The following NRG1 variants were observed in gnomAD, a reference collection of about 807,000 sequenced individuals.
The protein encoded by NRG1 is pro-neuregulin-1, membrane-bound isoform.
In NRG1, 18 loss-of-function variants were observed where a neutral mutation model predicts 63.8. The observed-to-expected ratio is 0.28, with a 90% CI of 0.19 to 0.42. The LOEUF (loss-of-function observed/expected upper bound fraction) is 0.42, where lower values mean the gene tolerates loss of function less well. Among genes scored for constraint, NRG1 ranks in the 10% least tolerant of loss-of-function variants. The pLI is 1.00. For synonymous variants in NRG1, 302 were observed against 301.3 expected, an observed-to-expected ratio of 1.00 and a Z score of -0.02; for missense variants, 762 against 814.7, an observed-to-expected ratio of 0.94 and a Z score of 0.79.
intron 1 of NRG1, among the ~76,000 whole-genome samples, chr8:32,572,908 A>G (rs1393241827): frequency 6.6e-6 from 1 of 152,208 alleles, no homozygotes; most frequent in East Asian, 1.9e-4. Context: ...ATAATATATT[A>G]ATCTACAAAT....
Position 32,267,920 on chromosome 8 carries a change from C to A in NRG1, c.38-327908C>A, listed in dbSNP as rs574415764. On this transcript the variant is annotated intron_variant, in intron 1 of 10. Transcript: ENST00000519301. The stretch of plus-strand genomic sequence containing the variant: ...AAAATGGTCCCCGTGATCCCTGACT[C>A]CTGAAGTTCACTCCCTTGTATGCTT... 1.6e-3 allele frequency among the ~76,000 whole-genome samples: 247 copies of A among 152,278 alleles called. 1 individual carries two copies. The highest frequency in any genetic ancestry group is 2.6e-3 in the Non-Finnish European group (177 of 68,028).
At chr8:31,876,083 T>C (rs1047109529) in intron 1 of NRG1, among the ~76,000 whole-genome samples, 58 of 152,060 alleles carry the variant, frequency 3.8e-4, no homozygotes, top group African/African-American at 1.4e-3. Flanking sequence ...AAGAAATGAA[T>C]TGATCACAGA....
chr8:31,843,795 C>T (rs1826417683), intron 1 of NRG1, among the ~76,000 whole-genome samples: 2 of 152,162 alleles, frequency 1.3e-5, no homozygotes, highest in African/African-American at 2.4e-5. Context: ...CTTCTACTAC[C>T]ACTTGATGTG....
intron 1 of NRG1, among the ~76,000 whole-genome samples, chr8:31,755,270 C>A (rs1324410392): frequency 6.6e-6 from 1 of 152,056 alleles, no homozygotes; most frequent in African/African-American, 2.4e-5. Context: ...CATGTCTATA[C>A]CTGAGACCCC....
rs777444805 is a variant in NRG1, at chr8:32,334,882, G to A, written c.38-260946G>A. Among the ~76,000 whole-genome samples the A allele has an allele frequency of 2.5e-4, 38 of 152,162 alleles. 2 individuals carry two copies. Among genetic ancestry groups the A allele is most frequent in the Admixed American group, 1.3e-4 (2 of 15,272 alleles). ...AAATAAGTTCTTTTGGCAAATCTCCGTAGCAGGTTGAACTCAGACTCCTTT... is the reference window on the plus strand; with the variant it reads ...AAATAAGTTCTTTTGGCAAATCTCCATAGCAGGTTGAACTCAGACTCCTTT... On this transcript the variant is annotated intron_variant, in intron 1 of 10. Transcript: ENST00000519301.
At chr8:32,087,936 T>A (rs1828528669) in intron 1 of NRG1, among the ~76,000 whole-genome samples, 11 of 152,196 alleles carry the variant, frequency 7.2e-5, no homozygotes. Context: ...TTAGCTGAAG[T>A]CAAATGGAAT....
intron 1 of NRG1, among the ~76,000 whole-genome samples, chr8:31,722,881 C>T (rs951063523): frequency 6.6e-6 from 1 of 152,100 alleles, no homozygotes; most frequent in Non-Finnish European, 1.5e-5. Context: ...TGCTGCTAAG[C>T]CCTCTGTAGG....
In NRG1 at chr8:32,603,686, A is replaced by G. The variant is rs181349977; in HGVS notation, c.279-1876A>G. Among the ~76,000 whole-genome samples, 1,340 of 152,238 alleles carry G rather than the reference A, an allele frequency of 8.8e-3. 4 individuals carry two copies. The highest frequency in any genetic ancestry group is 0.037 in the Middle Eastern group (11 of 294). On this transcript the variant is annotated intron_variant, in intron 2 of 11. Transcript: ENST00000356819. Reference sequence around the variant, plus strand: ...GCGACAGGGTTTCACTATTTTGGCCAGGCTTGTCTTGAACTCCTGACCTCG... The same window carrying G: ...GCGACAGGGTTTCACTATTTTGGCCGGGCTTGTCTTGAACTCCTGACCTCG...
At chr8:31,757,109 A>C (rs1817047998) in intron 1 of NRG1, among the ~76,000 whole-genome samples, 1 of 152,190 alleles carries the variant, frequency 6.6e-6, no homozygotes, top group African/African-American at 2.4e-5. Context: ...TCTCTGGGAT[A>C]TGCTTTGAGA....
chr8:32,509,864 A>T (rs926667624), intron 1 of NRG1, among the ~76,000 whole-genome samples: 16 of 152,044 alleles, frequency 1.1e-4, no homozygotes, highest in African/African-American at 3.1e-4. Context: ...GGGAGCTAAT[A>T]TGTTTAGAAG....
intron 5 of NRG1, among the ~76,000 whole-genome samples, chr8:32,709,315 T>C (rs986775627): frequency 1.3e-5 from 2 of 152,212 alleles, no homozygotes; most frequent in Non-Finnish European, 2.9e-5. Flanking sequence ...CCGAAGTAAA[T>C]AGAAAATTCT....
intron 1 of NRG1, among the ~76,000 whole-genome samples, chr8:32,138,826 C>G (rs1310994370): frequency 6.6e-6 from 1 of 152,084 alleles, no homozygotes; most frequent in Non-Finnish European, 1.5e-5. Context: ...ATCCACCCAC[C>G]TCGGCCTCCC....
At chr8:31,917,567 C>A (rs1833510462) in intron 1 of NRG1, among the ~76,000 whole-genome samples, 1 of 151,942 alleles carries the variant, frequency 6.6e-6, no homozygotes, top group Non-Finnish European at 1.5e-5. Context: ...TGGTCTATAT[C>A]TCTGTTTTGG....
chr8:31,931,695 G>T (rs747641378), intron 1 of NRG1, among the ~76,000 whole-genome samples: 1 of 152,136 alleles, frequency 6.6e-6, no homozygotes, highest in Admixed American at 6.5e-5. Context: ...AACCTCTTGT[G>T]TCTCCAGGAT....
intron 1 of NRG1, among the ~76,000 whole-genome samples, chr8:32,196,857 T>C (rs7002832): frequency 0.93 from 139,825 of 150,964 alleles, 64,944 homozygotes; most frequent in East Asian, 1. Context: ...TTTTTATATG[T>C]TTGCTCCCTT....
intron 1 of NRG1, among the ~76,000 whole-genome samples, chr8:31,825,691 C>G (rs537719733): frequency 1.3e-5 from 2 of 152,156 alleles, no homozygotes; most frequent in East Asian, 3.9e-4. Flanking sequence ...AGAGAAAGAA[C>G]AAAGCTTGGA....
At chr8:32,040,726 A>G (rs1295053898) in intron 1 of NRG1, among the ~76,000 whole-genome samples, 2 of 107,516 alleles carry the variant, frequency 1.9e-5, no homozygotes, top group African/African-American at 6.5e-5. Flanking sequence ...ATATATATAT[A>G]TATATATATA....
intron 1 of NRG1, among the ~76,000 whole-genome samples, chr8:31,869,907 A>T (rs973447036): frequency 6.6e-6 from 1 of 152,228 alleles, no homozygotes; most frequent in Non-Finnish European, 1.5e-5. Flanking sequence ...ATATTTCCTT[A>T]TAGAACCTCC....
chr8:31,778,724 G>T (rs1305806944), intron 1 of NRG1, among the ~76,000 whole-genome samples: 7 of 152,150 alleles, frequency 4.6e-5, no homozygotes, highest in Admixed American at 4.6e-4. Context: ...TCCTCTCCAT[G>T]ACCTAAAGCA....
Sources: gnomAD v4.1 joint callset for allele counts (sites outside exome capture counted in the v4.1 genomes callset) on GRCh38, gnomAD v4.1.1 for gene constraint, MANE v1.5 for transcripts, NCBI Gene and HGNC (gene_info 2026-07-23, HGNC 2026-07-21) for gene names.